The following LRRIQ1 variants were observed in gnomAD, a reference collection of about 807,000 sequenced individuals.
LRRIQ1 encodes the protein leucine rich repeats and IQ motif containing 1, also known as leucine-rich repeat- and IQ domain-containing protein 1.
In LRRIQ1, 210 loss-of-function variants were observed where a neutral mutation model predicts 211.9. The observed-to-expected ratio is 0.99, with a 90% CI of 0.89 to 1.11. The LOEUF (loss-of-function observed/expected upper bound fraction) is 1.11. LRRIQ1 is among the 50% of genes most tolerant of loss of function. LRRIQ1 has a pLI of 0.00. For missense variants in LRRIQ1, 2,136 were observed against 1,939.5 expected (o/e 1.10, Z -1.90); for synonymous variants, 699 against 650.1 (o/e 1.08, Z -1.14).
intron 1 of LRRIQ1, among the ~76,000 whole-genome samples, chr12:85,254,119 T>C (rs936569963): frequency 6.6e-6 from 1 of 152,012 alleles, no homozygotes; most frequent in South Asian, 2.1e-4. Context: ...TTGCTCCTTC[T>C]CTGGCCATGT....
At chr12:85,156,928 G>T (rs1012360372) in intron 23 of LRRIQ1, among the ~76,000 whole-genome samples, 2 of 151,818 alleles carry the variant, frequency 1.3e-5, no homozygotes, top group African/African-American at 4.8e-5. Flanking sequence ...ACAATTGCAA[G>T]AAGTATGGTA....
chr12:85,117,730 G>A (rs1269882300), intron 15 of LRRIQ1, among the ~76,000 whole-genome samples: 1 of 152,140 alleles, frequency 6.6e-6, no homozygotes, highest in Non-Finnish European at 1.5e-5. Context: ...CAGAATCAGA[G>A]TATCTTCTTT....
Position 85,055,760 on chromosome 12 carries a change from G to C in LRRIQ1, c.967G>C (p.Glu323Gln). Residue 323 changes from glutamate (E) to glutamine (Q), a missense_variant, in exon 8 of 27, where the codon GAA becomes CAA. Transcript: ENST00000393217. ...SKKRKAQEWKEKEAKIRQKEE... is the reference protein window; with the variant it reads ...SKKRKAQEWKQKEAKIRQKEE... ...GAAAAGGAAAGCACAAGAGTGGAAG[G>C]AAAAGGAAGCAAAAATACGACAAAA... 1 of 1,608,158 alleles carries C rather than the reference G, an allele frequency of 6.2e-7. No homozygotes were observed. Among genetic ancestry groups the C allele is most frequent in the Non-Finnish European group, 8.5e-7 (1 of 1,177,126 alleles).
At chr12:85,134,716 T>C (rs1387525294) in intron 18 of LRRIQ1, among the ~76,000 whole-genome samples, 1 of 152,010 alleles carries the variant, frequency 6.6e-6, no homozygotes, top group East Asian at 1.9e-4. Context: ...ATTTTATTGA[T>C]TGTAAGAAAA....
chr12:85,253,693 T>G (rs577539016), intron 1 of LRRIQ1, among the ~76,000 whole-genome samples: 202 of 152,168 alleles, frequency 1.3e-3, no homozygotes, highest in Non-Finnish European at 2.2e-3. Flanking sequence ...TTCAATAGAT[T>G]AGACACACAA....
At position 85,098,261 on chromosome 12, in the gene LRRIQ1, C is replaced by G. The variant is rs541742058; in HGVS notation, c.2888-94C>G. 9.4e-6 allele frequency: 7 copies of G among 745,020 alleles called. No homozygotes were observed. The African/African-American group carries it at 1.1e-4, about 12-fold the overall frequency. 46.2% of individuals were successfully genotyped at this position (745,020 alleles called of 1,614,324 possible). On this transcript the variant is annotated intron_variant, in intron 11 of 26. Coordinates refer to ENST00000393217, the MANE Select transcript of LRRIQ1 (RefSeq NM_001079910.2). The stretch of plus-strand genomic sequence containing the variant: ...TTGTAATTAATGATAGTGAGAAATA[C>G]AAAGGTGCAATTATTTAGAAAAAAA...
In LRRIQ1 at chr12:85,211,277, A is replaced by G. The variant is rs535158312; in HGVS notation, c.4823-18240A>G. On this transcript the variant is annotated intron_variant, in intron 24 of 26. Transcript: ENST00000393217. ...TAGAACGAATCATTCTTGCTTTATG[A>G]GTTGTTTTTAAGCATATGTATATTT... 4.6e-5 allele frequency among the ~76,000 whole-genome samples: 7 copies of G among 152,272 alleles called. No individual in the cohort carries two copies. The South Asian group carries it at 1.4e-3, about 32-fold the overall frequency.
chr12:85,203,306 T>A (rs1445261009), intron 24 of LRRIQ1, among the ~76,000 whole-genome samples: 1 of 152,218 alleles, frequency 6.6e-6, no homozygotes, highest in Non-Finnish European at 1.5e-5. Context: ...CCTCTTTCTT[T>A]TGTAAATTTC....
intron 15 of LRRIQ1, among the ~76,000 whole-genome samples, chr12:85,107,401 G>T (rs901643710): frequency 6.6e-6 from 1 of 151,886 alleles, no homozygotes. Context: ...GGCTTTCATT[G>T]TTTCTGGTGA....
At chr12:85,104,379 G>A (rs556340678) in intron 14 of LRRIQ1, among the ~76,000 whole-genome samples, 1 of 151,670 alleles carries the variant, frequency 6.6e-6, no homozygotes, top group East Asian at 1.9e-4. Flanking sequence ...CTTTCTAACA[G>A]GTATAGAGTA....
intron 24 of LRRIQ1, among the ~76,000 whole-genome samples, chr12:85,200,525 T>C (rs1439749376): frequency 1.3e-5 from 2 of 152,162 alleles, no homozygotes; most frequent in Non-Finnish European, 2.9e-5. Flanking sequence ...GAGGACATGC[T>C]TGCCTTGTTA....
Position 85,121,715 on chromosome 12 carries a change from G to A in LRRIQ1, c.3396G>A (p.Val1132=). ...TCAATAGGGATTCTCTACTTAAAGT[G>A]TTGCCTGCTCTGAGAATCCTCAATG... is the stretch of plus-strand genomic sequence containing the variant. ...ETNWRDSLLK[V]LPALRILNGN... is the part of the protein sequence containing the mutation. Residue 1132 remains valine, a synonymous_variant, in exon 16 of 27, where the codon GTG becomes GTA. Coordinates refer to ENST00000393217, the MANE Select transcript of LRRIQ1 (RefSeq NM_001079910.2). 4.4e-6 allele frequency: 7 copies of A among 1,585,064 alleles called. No homozygotes were observed. The highest frequency in any genetic ancestry group is 5.1e-6 in the Non-Finnish European group (6 of 1,167,814).
intron 8 of LRRIQ1, among the ~76,000 whole-genome samples, chr12:85,062,577 T>C (rs1362896122): frequency 6.6e-6 from 1 of 151,580 alleles, no homozygotes; most frequent in Non-Finnish European, 1.5e-5. Flanking sequence ...TGTACTACTT[T>C]TTTTTTTTTA....
At chr12:85,178,771 A>C (rs1016284573) in intron 24 of LRRIQ1, among the ~76,000 whole-genome samples, 1 of 151,944 alleles carries the variant, frequency 6.6e-6, no homozygotes, top group African/African-American at 2.4e-5. Context: ...TTTTGTTCAT[A>C]TATGACCTCA....
In LRRIQ1 at chr12:85,257,056, A is replaced by ATAATTAT. The variant is rs530643270; in HGVS notation, c.122-5859_122-5858insTAATTAT. Among the ~76,000 whole-genome samples, 999 of 117,646 alleles carry ATAATTAT rather than the reference A, an allele frequency of 8.5e-3. 24 individuals carry two copies. Among genetic ancestry groups the ATAATTAT allele is most frequent in the African/African-American group, 0.032 (970 of 30,758 alleles). 77.2% of individuals were successfully genotyped at this position (117,646 alleles called of 152,430 possible). On this transcript the variant is annotated intron_variant, in intron 1 of 1. Coordinates refer to the LRRIQ1 transcript ENST00000602731. ...ATATATATTATATAATTATATATAT[A>ATAATTAT]ATTATATAATTATATAAATATATAT...
At chr12:85,078,454 A>C (rs1298296471) in intron 11 of LRRIQ1, among the ~76,000 whole-genome samples, 1 of 152,144 alleles carries the variant, frequency 6.6e-6, no homozygotes, top group Non-Finnish European at 1.5e-5. Flanking sequence ...CCTACTTCAG[A>C]ACCTATATAT....
intron 24 of LRRIQ1, among the ~76,000 whole-genome samples, chr12:85,217,713 T>C (rs1894213109): frequency 7.4e-6 from 1 of 134,642 alleles, no homozygotes; most frequent in Non-Finnish European, 1.5e-5. Context: ...TATGTGTGTG[T>C]ATATATGTAT....
chr12:85,160,466 G>T, intron 23 of LRRIQ1, 147 bp from the exon 24 acceptor site: 1 of 468,828 alleles, frequency 2.1e-6, no homozygotes. Context: ...TCCATGTTAT[G>T]AAGCTTAATA....
intron 4 of LRRIQ1, among the ~76,000 whole-genome samples, chr12:85,045,336 A>G (rs1388087297): frequency 6.6e-6 from 1 of 151,864 alleles, no homozygotes; most frequent in Admixed American, 6.6e-5. Context: ...TCTTAGATTG[A>G]CTTTTACCTC....
Sources: allele counts gnomAD v4.1 joint callset (sites outside exome capture counted in the v4.1 genomes callset), GRCh38; gene constraint gnomAD v4.1.1; transcripts MANE v1.5; gene names NCBI Gene and HGNC (gene_info 2026-07-23, HGNC 2026-07-21).